The following NPY4R variants were observed in gnomAD, a reference collection of about 807,000 sequenced individuals.
NPY4R encodes the protein neuropeptide Y receptor Y4.
A neutral mutation model predicts 11.9 loss-of-function variants in NPY4R; 2 were observed. That is an observed-to-expected ratio of 0.17 (90% confidence interval 0.07 to 0.53). The LOEUF (loss-of-function observed/expected upper bound fraction) is 0.53. NPY4R is among the 20% of genes least tolerant of loss of function. The pLI, the probability that NPY4R is intolerant of heterozygous loss-of-function variation, is 0.94. For synonymous variants in NPY4R, 8 were observed against 121.7 expected (o/e 0.07, Z 6.15); for missense variants, 26 against 280.2 (o/e 0.09, Z 6.48).
At chr10:46,466,229 TTC>T (rs1439035242), upstream of NPY4R, among the ~76,000 whole-genome samples, 3 of 64,584 alleles carry the variant, frequency 4.6e-5, no homozygotes, top group African/African-American at 1.9e-4. Context: ...CTTTCTTTCT[TTC>T]TTTCTTTCTT....
At chr10:46,467,973 G>T (rs1554991854), upstream of NPY4R, among the ~76,000 whole-genome samples, 1 of 109,404 alleles carries the variant, frequency 9.1e-6, no homozygotes, top group Non-Finnish European at 1.9e-5. Flanking sequence ...CTGAAATGGT[G>T]GTAAAAGCAG....
upstream of NPY4R, among the ~76,000 whole-genome samples, chr10:46,466,282 T>TTCTCTCTC (rs1160755760): frequency 3.1e-5 from 2 of 63,692 alleles, no homozygotes; most frequent in African/African-American, 1.8e-4. Context: ...CTTTCTTTCT[T>TTCTCTCTC]TCTCTCTCTC....
At chr10:46,466,299 T>C (rs1368696517), upstream of NPY4R, among the ~76,000 whole-genome samples, 16 of 126,316 alleles carry the variant, frequency 1.3e-4, no homozygotes, top group East Asian at 8.8e-4. Context: ...TCTCTCTCTC[T>C]CTCCCTCCCT....
At chr10:46,468,029 T>C (rs1358316172), upstream of NPY4R, among the ~76,000 whole-genome samples, 1 of 118,732 alleles carries the variant, frequency 8.4e-6, no homozygotes, top group Non-Finnish European at 1.8e-5. Context: ...ATGCCCTTAG[T>C]CCATCCTCAT....
upstream of NPY4R, among the ~76,000 whole-genome samples, chr10:46,467,460 T>A (rs1841082811): frequency 6.7e-6 from 1 of 149,914 alleles, no homozygotes; most frequent in Admixed American, 6.7e-5. Flanking sequence ...CCAGCTCCGA[T>A]GTCCCTGCTG....
chr10:46,466,266 T>C (rs1275575406), upstream of NPY4R, among the ~76,000 whole-genome samples: 9 of 69,018 alleles, frequency 1.3e-4, no homozygotes, highest in African/African-American at 7.5e-4. Context: ...TTTCTTTCCT[T>C]TCTTTCTTTC....
upstream of NPY4R, among the ~76,000 whole-genome samples, chr10:46,466,274 TTCTTTCTTTCTC>T (rs1841046376): frequency 3.8e-4 from 23 of 60,400 alleles, 1 homozygote; most frequent in African/African-American, 1.9e-3. Flanking sequence ...CTTTCTTTCT[TTCTTTCTTTCTC>T]TCTCTCTCTC....
chr10:46,464,203 C>T (rs1409187184), intron 1 of NPY4R, among the ~76,000 whole-genome samples: 1 of 151,994 alleles, frequency 6.6e-6, no homozygotes, highest in East Asian at 1.9e-4. Flanking sequence ...ACCCCGTCTC[C>T]GCTGAAAATA....
At position 46,461,130 on chromosome 10, in the gene NPY4R, T is replaced by C. The variant is rs1465389689; in HGVS notation, c.*378A>G. On this transcript the variant is annotated 3_prime_UTR_variant, in exon 3 of 3. Coordinates refer to ENST00000374312, the MANE Select transcript of NPY4R (RefSeq NM_005972.6). ...GCTCTGACTCCAAGCGCTCCTTCCC[T>C]CACCCCACAGTGGCCCCGTGGTCTC... 7.1e-6 allele frequency: 1 copy of C among 140,630 alleles called. No individual in the cohort carries two copies. Among genetic ancestry groups the C allele is most frequent in the Non-Finnish European group, 1.6e-5 (1 of 62,856 alleles). The allele number at this position is 140,630 out of a possible 1,614,324, so 8.7% of individuals were successfully genotyped here.
chr10:46,466,260 TTTCCTTTCTTTCTTTC>T (rs1841041424), upstream of NPY4R, among the ~76,000 whole-genome samples: 27 of 66,044 alleles, frequency 4.1e-4, 1 homozygote, highest in African/African-American at 1.6e-3. Context: ...TCTTTCTTTC[TTTCCTTTCTTTCTTTC>T]TTTCTTTCTC....
upstream of NPY4R, among the ~76,000 whole-genome samples, chr10:46,468,049 G>T (rs1423752942): frequency 8.1e-6 from 1 of 123,178 alleles, no homozygotes; most frequent in African/African-American, 3.2e-5. Context: ...TGCCTAACTG[G>T]TGTGGTGTGA....
At chr10:46,466,229 T>TTCTTTCTTTCTTTC (rs1841027416), upstream of NPY4R, among the ~76,000 whole-genome samples, 1 of 64,538 alleles carries the variant, frequency 1.5e-5, no homozygotes, top group African/African-American at 9.5e-5. Flanking sequence ...CTTTCTTTCT[T>TTCTTTCTTTCTTTC]TCTTTCTTTC....
chr10:46,466,150 T>C (rs527455506), upstream of NPY4R, among the ~76,000 whole-genome samples: 1 of 136,076 alleles, frequency 7.3e-6, no homozygotes, highest in South Asian at 2.7e-4. Context: ...CAACCCTGGA[T>C]ACAGGCAGGC....
upstream of NPY4R, among the ~76,000 whole-genome samples, chr10:46,466,259 CTTTCCTTTCTT>C (rs1841040954): frequency 3.3e-5 from 2 of 60,136 alleles, no homozygotes; most frequent in South Asian, 4.0e-4. Context: ...TTCTTTCTTT[CTTTCCTTTCTT>C]TCTTTCTTTC....
intron 1 of NPY4R, 71 bp from the exon 2 acceptor site, chr10:46,463,956 A>G (rs1840930303): frequency 1.4e-5 from 2 of 145,380 alleles, no homozygotes; most frequent in Non-Finnish European, 3.0e-5. Flanking sequence ...AAAACACTAT[A>G]GCAGAAAACC....
At chr10:46,466,251 CTTTCTTT>C (rs1841037160), upstream of NPY4R, among the ~76,000 whole-genome samples, 28 of 68,464 alleles carry the variant, frequency 4.1e-4, 6 homozygotes, top group Non-Finnish European at 5.5e-4. Context: ...TTCTTTCTTT[CTTTCTTT>C]CTTTCCTTTC....
chr10:46,466,231 CTTTCTTTCTTTCT>C (rs1841028081), upstream of NPY4R, among the ~76,000 whole-genome samples: 3 of 68,298 alleles, frequency 4.4e-5, no homozygotes, highest in Admixed American at 1.4e-4. Context: ...TTCTTTCTTT[CTTTCTTTCTTTCT>C]TTCTTTCTTT....
chr10:46,466,316 C>T (rs1194650234), upstream of NPY4R, among the ~76,000 whole-genome samples: 70 of 130,480 alleles, frequency 5.4e-4, no homozygotes, highest in African/African-American at 1.6e-3. Context: ...CCCTCCCCCT[C>T]CCTCTCTCCC....
upstream of NPY4R, among the ~76,000 whole-genome samples, chr10:46,466,221 T>TTCTTTCTTTC (rs1841025874): frequency 3.1e-5 from 2 of 64,830 alleles, no homozygotes; most frequent in African/African-American, 2.0e-4. Context: ...CTTTCTTTCT[T>TTCTTTCTTTC]TCTTTCTTTC....
Sources: gnomAD v4.1 joint callset for allele counts (sites outside exome capture counted in the v4.1 genomes callset) on GRCh38, gnomAD v4.1.1 for gene constraint, MANE v1.5 for transcripts, NCBI Gene and HGNC (gene_info 2026-07-23, HGNC 2026-07-21) for gene names.